The following PRKAG2 variants were observed in gnomAD, a reference collection of about 807,000 sequenced individuals.
PRKAG2 encodes protein kinase AMP-activated non-catalytic subunit gamma 2.
In PRKAG2, 26 loss-of-function variants were observed where a neutral mutation model predicts 69.6. The ratio of observed to expected loss-of-function variants is 0.37; its 90% CI spans 0.27 to 0.52. The LOEUF is 0.52. Among genes scored for constraint, PRKAG2 ranks in the 20% least tolerant of loss-of-function variants. PRKAG2 has a pLI of 0.90. For synonymous variants in PRKAG2, 293 were observed against 285.0 expected (o/e 1.03, Z -0.28); for missense variants, 557 against 740.0 (o/e 0.75, Z 2.87).
rs768648341 is a variant in PRKAG2, at chr7:151,736,004, G to A, written c.466+45148C>T. 121 of 1,536,042 alleles carry A rather than the reference G, an allele frequency of 7.9e-5. No individual in the cohort carries two copies. In the South Asian group the frequency reaches 1.4e-3, roughly 18 times the overall value. ...CCCAAAGCGCTTCATGGGTAGCTGTGGCCACAGGAGTGGCGACAGGTGAAC... is the reference window on the plus strand; with the variant it reads ...CCCAAAGCGCTTCATGGGTAGCTGTAGCCACAGGAGTGGCGACAGGTGAAC... On this transcript the variant is annotated intron_variant, in intron 3 of 15. Transcript: ENST00000287878.
At chr7:151,817,426 C>T in intron 1 of PRKAG2, among the ~76,000 whole-genome samples, 1 of 152,238 alleles carries the variant, frequency 6.6e-6, no homozygotes, top group South Asian at 2.1e-4. Context: ...AAAACCTTCA[C>T]TAGCTCCATG....
chr7:151,781,527 CG>C lies in PRKAG2; in HGVS notation c.187-97del. ...ACTTATCATTGTCCTCTCTCACATG[CG>C]GGCCCCCCATAGTACCCTCCCAGAG... is the stretch of plus-strand genomic sequence containing the variant. On this transcript the variant is annotated intron_variant, in intron 2 of 15. Transcript: ENST00000287878. The surrounding 1 kb of genome is among the most constrained non-coding windows in gnomAD (Gnocchi z 6.1). The C allele has an allele frequency of 7.0e-7, 1 of 1,433,422 alleles. No individual in the cohort carries two copies. Among genetic ancestry groups the C allele is most frequent in the Non-Finnish European group, 9.5e-7 (1 of 1,054,582 alleles). 88.8% of individuals were successfully genotyped at this position (1,433,422 alleles called of 1,614,324 possible).
rs1179212747 is a variant in PRKAG2 at position 151,614,536 on chromosome 7, G to A, written c.754+17533C>T. The stretch of plus-strand genomic sequence containing the variant: ...CCTGCTCCCTCCATCGTGACTCTCC[G>A]TCCCATCCCTGCGTGCTCTCCTTCA... On this transcript the variant is annotated intron_variant, in intron 5 of 15. Coordinates refer to ENST00000287878, the MANE Select transcript of PRKAG2 (RefSeq NM_016203.4). The surrounding 1 kb of genome is among the most constrained non-coding windows in gnomAD (Gnocchi z 4.4). Among the ~76,000 whole-genome samples, 1 of 152,090 alleles carries A rather than the reference G, an allele frequency of 6.6e-6. No individual in the cohort carries two copies. The highest frequency in any genetic ancestry group is 1.5e-5 in the Non-Finnish European group (1 of 68,008).
intron 5 of PRKAG2, among the ~76,000 whole-genome samples, chr7:151,602,614 G>A (rs1404973974): frequency 6.6e-6 from 1 of 152,144 alleles, no homozygotes; most frequent in Non-Finnish European, 1.5e-5. Context: ...TTGCAAAGCT[G>A]GAACAGTTCC....
intron 6 of PRKAG2, among the ~76,000 whole-genome samples, chr7:151,593,404 G>A (rs1465482468): frequency 1.3e-5 from 2 of 152,162 alleles, no homozygotes; most frequent in Admixed American, 6.5e-5. Flanking sequence ...ATGTTGGCCA[G>A]GGTGGTCTTG....
intron 3 of PRKAG2, among the ~76,000 whole-genome samples, chr7:151,686,561 C>T (rs564171358): frequency 1.3e-5 from 2 of 152,192 alleles, no homozygotes; most frequent in Non-Finnish European, 2.9e-5. Flanking sequence ...GGCCAGCTCT[C>T]CTGAGCTCTG....
Position 151,565,821 on chromosome 7 carries a change from T to C in PRKAG2, c.1298A>G (p.Tyr433Cys). Residue 433 changes from tyrosine to cysteine, a missense_variant, in exon 12 of 16, where the codon TAC becomes TGC. Physicochemically the swap from Tyr to Cys is radical, Grantham distance 194 (BLOSUM62 -2). Transcript: ENST00000287878. ...TGGATGTATGAAGGCAATGTTGTGG[T>C]ACGTTCCTATTCCAAGCTCATCCAG... is the stretch of plus-strand genomic sequence containing the variant. ...QNLDELGIGT[Y>C]HNIAFIHPDT... 1 of 1,612,610 alleles carries C rather than the reference T, an allele frequency of 6.2e-7. No homozygotes were observed. The highest frequency in any genetic ancestry group is 8.5e-7 in the Non-Finnish European group (1 of 1,178,570).
chr7:151,709,833 A>C (rs1393049455), intron 3 of PRKAG2, among the ~76,000 whole-genome samples: 1 of 151,774 alleles, frequency 6.6e-6, no homozygotes, highest in Non-Finnish European at 1.5e-5. Context: ...TGATGCTGTG[A>C]GTGATGTGTG....
Position 151,780,008 on chromosome 7 carries a change from C to T in PRKAG2, c.466+1144G>A, listed in dbSNP as rs2076587118. On this transcript the variant is annotated intron_variant, in intron 3 of 15. Transcript: ENST00000287878. This position sits in a 1 kb window ranked among gnomAD's most constrained non-coding sequence, Gnocchi z 4.2. ...CCTTGAGTGAGGGGTGTGTGTAGAGCATGGTCAGGACCTGCCCCCCACAAC... is the reference window on the plus strand; with the variant it reads ...CCTTGAGTGAGGGGTGTGTGTAGAGTATGGTCAGGACCTGCCCCCCACAAC... Among the ~76,000 whole-genome samples, 1 of 152,186 alleles carries T rather than the reference C, an allele frequency of 6.6e-6. No homozygotes were observed. The highest frequency in any genetic ancestry group is 1.5e-5 in the Non-Finnish European group (1 of 68,038).
At chr7:151,747,525 C>G (rs748248275) in intron 3 of PRKAG2, among the ~76,000 whole-genome samples, 5 of 151,880 alleles carry the variant, frequency 3.3e-5, no homozygotes, top group Non-Finnish European at 5.9e-5. Context: ...CCACTGCACT[C>G]CAGCCTGGGT....
intron 4 of PRKAG2, among the ~76,000 whole-genome samples, chr7:151,653,965 T>G (rs546927937): frequency 6.6e-6 from 1 of 152,356 alleles, no homozygotes; most frequent in African/African-American, 2.4e-5. Context: ...TGAACCCTAC[T>G]TAAGTTGATA....
chr7:151,709,414 G>C (rs1162017923), intron 3 of PRKAG2, among the ~76,000 whole-genome samples: 1 of 152,148 alleles, frequency 6.6e-6, no homozygotes, highest in Non-Finnish European at 1.5e-5. Flanking sequence ...ATTGAGTGCT[G>C]TTTGTGACTG....
At chr7:151,559,477 G>C (rs1230813766) in intron 15 of PRKAG2, 2 of 984,152 alleles carry the variant, frequency 2.0e-6, no homozygotes, top group Admixed American at 6.2e-5. Flanking sequence ...GCCCCAACAT[G>C]AACATTTCAT....
chr7:151,857,299 C>A lies in PRKAG2; in HGVS notation c.114+19208G>T, dbSNP rs530214487. ...AGCTCCCAGCTCCCAGATCACTGAG[C>A]CCTACAGAGTTCTGCACAAATGAGG... On this transcript the variant is annotated intron_variant, in intron 1 of 15. Transcript: ENST00000287878. 1.1e-4 allele frequency among the ~76,000 whole-genome samples: 17 copies of A among 151,702 alleles called. 1 individual carries two copies. Among genetic ancestry groups the A allele is most frequent in the Non-Finnish European group, 1.9e-4 (13 of 67,922 alleles).
intron 13 of PRKAG2, 67 bp downstream of exon 13, chr7:151,565,279 A>G: frequency 8.2e-7 from 1 of 1,218,830 alleles, no homozygotes; most frequent in Non-Finnish European, 1.1e-6. Flanking sequence ...TAAAAACATA[A>G]AAACACATTA....
intron 1 of PRKAG2, among the ~76,000 whole-genome samples, chr7:151,792,860 C>T (rs995311988): frequency 2.0e-5 from 3 of 152,168 alleles, no homozygotes; most frequent in Non-Finnish European, 4.4e-5. Context: ...TTGCGTCCGC[C>T]GAGGCCAGGG....
intron 1 of PRKAG2, among the ~76,000 whole-genome samples, chr7:151,846,918 A>C (rs1017771229): frequency 6.6e-6 from 1 of 152,210 alleles, no homozygotes; most frequent in Admixed American, 6.5e-5. Flanking sequence ...CAGTTTTGCA[A>C]AGGGATTTGT....
intron 1 of PRKAG2, among the ~76,000 whole-genome samples, chr7:151,840,297 C>T (rs1028296774): frequency 1.3e-5 from 2 of 152,094 alleles, no homozygotes; most frequent in Non-Finnish European, 2.9e-5. Flanking sequence ...AAGGTGCCTT[C>T]GAGGTTCCCC....
In PRKAG2 at chr7:151,807,723, T is replaced by C. The variant is rs141126421; in HGVS notation, c.115-21182A>G. 1 of 403,040 alleles carries C rather than the reference T, an allele frequency of 2.5e-6. No homozygotes were observed. Among genetic ancestry groups the C allele is most frequent in the Non-Finnish European group, 5.0e-6 (1 of 198,104 alleles). 25.0% of individuals were successfully genotyped at this position (403,040 alleles called of 1,614,324 possible). A position where few individuals can be genotyped will look rare whatever the true frequency, so the allele number is the denominator to read the frequency against. ...GCCCCTCACTTGGGTCAAGGCAGCA[T>C]TTCAGAGGAAGCCAGGAGCGAGAAC... On this transcript the variant is annotated intron_variant, in intron 1 of 15. Coordinates refer to ENST00000287878, the MANE Select transcript of PRKAG2 (RefSeq NM_016203.4). The surrounding 1 kb of genome is among the most constrained non-coding windows in gnomAD (Gnocchi z 4.4).
Sources: gnomAD v4.1 joint callset for allele counts (sites outside exome capture counted in the v4.1 genomes callset) on GRCh38, gnomAD v4.1.1 for gene constraint, Gnocchi (gnomAD v3.1) non-coding constraint, MANE v1.5 for transcripts, NCBI Gene and HGNC (gene_info 2026-07-23, HGNC 2026-07-21) for gene names.